KATNA1: variants seen among roughly 807,000 people sequenced by gnomAD.
KATNA1 encodes the protein katanin catalytic subunit A1.
In KATNA1, 42 loss-of-function variants were observed where a neutral mutation model predicts 62.6. The observed-to-expected ratio is 0.67, with a 90% CI of 0.52 to 0.87. The LOEUF (loss-of-function observed/expected upper bound fraction) is 0.87. Among genes scored for constraint, KATNA1 ranks in the 40% least tolerant of loss-of-function variants. The pLI is 0.00. For missense variants in KATNA1, 498 were observed against 612.5 expected, an observed-to-expected ratio of 0.81 and a Z score of 1.97; for synonymous variants, 186 against 201.9, an observed-to-expected ratio of 0.92 and a Z score of 0.67.
chr6:149,613,964 C>T (rs1047831515), intron 4 of KATNA1, among the ~76,000 whole-genome samples: 8 of 152,152 alleles, frequency 5.3e-5, no homozygotes, highest in African/African-American at 1.9e-4. Flanking sequence ...ACAAAGTGTT[C>T]CTCTACTCCA....
At chr6:149,598,177 A>T (rs769855224) in intron 8 of KATNA1, 47 bp downstream of exon 8, 2 of 1,605,432 alleles carry the variant, frequency 1.2e-6, no homozygotes, top group Non-Finnish European at 1.7e-6. Context: ...GAGACACCAC[A>T]CCTAACAACC....
At chr6:149,616,679 G>A (rs1035307158) in intron 4 of KATNA1, among the ~76,000 whole-genome samples, 2 of 152,110 alleles carry the variant, frequency 1.3e-5, no homozygotes, top group African/African-American at 2.4e-5. Context: ...ACTTGAACCC[G>A]GTAAGCGGAG....
intron 7 of KATNA1, among the ~76,000 whole-genome samples, chr6:149,601,368 G>A (rs1351888953): frequency 6.6e-6 from 1 of 152,056 alleles, no homozygotes; most frequent in Non-Finnish European, 1.5e-5. Context: ...CATAATGTGA[G>A]CATGCCCCAA....
intron 3 of KATNA1, among the ~76,000 whole-genome samples, chr6:149,631,092 A>T (rs567873112): frequency 1.3e-5 from 2 of 152,170 alleles, no homozygotes; most frequent in Non-Finnish European, 2.9e-5. Context: ...TGTATAATGC[A>T]GTACCTGTAT....
intron 4 of KATNA1, among the ~76,000 whole-genome samples, chr6:149,610,560 A>C (rs777807625): frequency 1.5e-4 from 23 of 152,200 alleles, no homozygotes; most frequent in Non-Finnish European, 3.2e-4. Context: ...GAAAACAAGA[A>C]AATCTCCACA....
chr6:149,614,094 T>C (rs1779072446), intron 4 of KATNA1, among the ~76,000 whole-genome samples: 1 of 152,180 alleles, frequency 6.6e-6, no homozygotes, highest in African/African-American at 2.4e-5. Flanking sequence ...TCTGTGGTAT[T>C]CTGTGATAGC....
chr6:149,616,119 T>C (rs1779158632), intron 4 of KATNA1, among the ~76,000 whole-genome samples: 1 of 152,166 alleles, frequency 6.6e-6, no homozygotes, highest in East Asian at 1.9e-4. Context: ...CTTTGCAAGA[T>C]GAAGAGATCT....
At chr6:149,634,221 C>T (rs184230060) in intron 2 of KATNA1, among the ~76,000 whole-genome samples, 2,233 of 147,610 alleles carry the variant, frequency 0.015, 30 homozygotes, top group South Asian at 0.056. Context: ...TGCAGTGAGC[C>T]GAGATCGCAC....
At chr6:149,616,012 T>C (rs1021284129) in intron 4 of KATNA1, among the ~76,000 whole-genome samples, 3 of 152,248 alleles carry the variant, frequency 2.0e-5, no homozygotes, top group Admixed American at 2.0e-4. Context: ...CTTACATAAG[T>C]AGCCGAATTC....
At chr6:149,604,598 G>C in intron 5 of KATNA1, 63 bp downstream of exon 5, 1 of 1,559,118 alleles carries the variant, frequency 6.4e-7, no homozygotes, top group Admixed American at 1.7e-5. Flanking sequence ...GCTCACATTT[G>C]CTCCATTTTC....
intron 7 of KATNA1, among the ~76,000 whole-genome samples, chr6:149,599,117 G>A (rs1420722454): frequency 4.0e-5 from 6 of 151,848 alleles, no homozygotes; most frequent in South Asian, 2.1e-4. Flanking sequence ...TTCCTGCCTC[G>A]GCCTCCCAAA....
chr6:149,631,409 T>TAAATA (rs1401675993), intron 3 of KATNA1: 9 of 151,934 alleles, frequency 5.9e-5, no homozygotes, highest in Non-Finnish European at 1.2e-4. Flanking sequence ...AAAAAACAAA[T>TAAATA]AAATAAAATA....
At chr6:149,638,250 A>C (rs1164077233) in intron 2 of KATNA1, 136 bp downstream of exon 2, 9 of 762,972 alleles carry the variant, frequency 1.2e-5, no homozygotes, top group Admixed American at 2.4e-5. Context: ...CTAGGACTAC[A>C]GGAGTGAGCC....
At chr6:149,596,393 G>A (rs1037400960) in intron 10 of KATNA1, among the ~76,000 whole-genome samples, 1 of 152,126 alleles carries the variant, frequency 6.6e-6, no homozygotes, top group South Asian at 2.1e-4. Context: ...AAATTAGCCA[G>A]GTGTGGTGGT....
chr6:149,623,987 TG>T (rs1779510476), intron 3 of KATNA1, among the ~76,000 whole-genome samples: 1 of 152,212 alleles, frequency 6.6e-6, no homozygotes, highest in Non-Finnish European at 1.5e-5. Flanking sequence ...ATTTATCCAA[TG>T]GTATGTATGT....
chr6:149,599,690 G>A (rs974417625), intron 7 of KATNA1, among the ~76,000 whole-genome samples: 1 of 151,884 alleles, frequency 6.6e-6, no homozygotes. Flanking sequence ...GCTAATTTTT[G>A]TATTTTTAGT....
In KATNA1 at chr6:149,626,839, C is replaced by T. The variant is rs541312626; in HGVS notation, c.321-3556G>A. Among the ~76,000 whole-genome samples the T allele has an allele frequency of 2.0e-5, 3 of 150,460 alleles. No homozygotes were observed. The South Asian group carries it at 6.4e-4, about 32-fold the overall frequency. On this transcript the variant is annotated intron_variant, in intron 3 of 10. Transcript: ENST00000367411. The stretch of plus-strand genomic sequence containing the variant: ...TCTCTACTAAAAATACAAAAATTAG[C>T]CTGGCCTGGTGGCAGGCGCCTATAA...
intron 4 of KATNA1, among the ~76,000 whole-genome samples, chr6:149,614,099 G>T (rs1283995379): frequency 6.6e-6 from 1 of 152,168 alleles, no homozygotes; most frequent in Non-Finnish European, 1.5e-5. Context: ...GGTATTCTGT[G>T]ATAGCAGCAC....
intron 1 of KATNA1, among the ~76,000 whole-genome samples, chr6:149,640,237 C>T (rs1013440804): frequency 6.6e-6 from 1 of 152,098 alleles, no homozygotes. Context: ...CTAATCCAAC[C>T]TTTGAACCTA....
Sources: gnomAD v4.1 joint callset for allele counts (sites outside exome capture counted in the v4.1 genomes callset) on GRCh38, gnomAD v4.1.1 for gene constraint, MANE v1.5 for transcripts, NCBI Gene and HGNC (gene_info 2026-07-23, HGNC 2026-07-21) for gene names.